Variants in CD81 observed in about 807,000 individuals in gnomAD.
CD81 encodes the protein CD81 molecule.
In CD81, 10 loss-of-function variants were observed where a neutral mutation model predicts 30.1. That is an observed-to-expected ratio of 0.33 (90% CI 0.21 to 0.56). The LOEUF (loss-of-function observed/expected upper bound fraction) is 0.56. CD81 is among the 20% of genes least tolerant of loss of function. The pLI is 0.89. For missense variants in CD81, 263 were observed against 308.7 expected (o/e 0.85, Z 1.11); for synonymous variants, 147 against 126.4 (o/e 1.16, Z -1.10).
At chr11:2,384,952 G>A (rs899775816) in intron 1 of CD81, among the ~76,000 whole-genome samples, 1 of 151,358 alleles carries the variant, frequency 6.6e-6, no homozygotes, top group South Asian at 2.1e-4. Flanking sequence ...CCGTGAAAGC[G>A]GGACTCTCTT....
At chr11:2,385,890 T>C (rs1228112301) in intron 1 of CD81, 1 of 649,240 alleles carries the variant, frequency 1.5e-6, no homozygotes, top group Admixed American at 2.2e-5. Flanking sequence ...TGTGTGAACC[T>C]AAGTTCATTT....
chr11:2,389,174 C>G (rs1457359265), intron 1 of CD81, among the ~76,000 whole-genome samples: 1 of 152,150 alleles, frequency 6.6e-6, no homozygotes, highest in Non-Finnish European at 1.5e-5. Context: ...GAAGAAACCC[C>G]AGGAGAGGTC....
chr11:2,394,923 C>T (rs780713691), intron 3 of CD81, 49 bp from the exon 4 acceptor site: 11 of 1,552,138 alleles, frequency 7.1e-6, no homozygotes, highest in African/African-American at 2.7e-5. Flanking sequence ...CCTTGGGCCC[C>T]GCCTACAGCC....
At chr11:2,394,816 A>C in intron 3 of CD81, 156 bp from the exon 4 acceptor site, 1 of 732,622 alleles carries the variant, frequency 1.4e-6, no homozygotes. Context: ...TCTGTGCCCC[A>C]GGGCTCCACA....
chr11:2,388,456 C>G (rs1404074589), intron 1 of CD81, among the ~76,000 whole-genome samples: 1 of 152,246 alleles, frequency 6.6e-6, no homozygotes, highest in Non-Finnish European at 1.5e-5. Flanking sequence ...CAACCCCACC[C>G]TGGGGCCCTG....
chr11:2,390,353 G>A, intron 1 of CD81, 59 bp from the exon 2 acceptor site: 1 of 1,317,368 alleles, frequency 7.6e-7, no homozygotes, highest in East Asian at 2.3e-5. Flanking sequence ...GTGTGGGGTG[G>A]GCGCACTCCC....
At chr11:2,379,087 G>T (rs1288553873) in intron 1 of CD81, 4 of 448,402 alleles carry the variant, frequency 8.9e-6, no homozygotes, top group African/African-American at 8.0e-5. Flanking sequence ...CCTTCCCCAG[G>T]CCCGGCCCTG....
intron 1 of CD81, among the ~76,000 whole-genome samples, chr11:2,380,648 C>T (rs1292053732): frequency 6.6e-6 from 1 of 152,174 alleles, no homozygotes; most frequent in Non-Finnish European, 1.5e-5. Context: ...TTGGGTGGGT[C>T]TCGGAGCCTC....
intron 3 of CD81, among the ~76,000 whole-genome samples, chr11:2,394,413 T>C (rs898731126): frequency 6.6e-6 from 1 of 152,164 alleles, no homozygotes; most frequent in Non-Finnish European, 1.5e-5. Flanking sequence ...TGTCAAAAAA[T>C]AGCCACAAAT....
Position 2,390,408 on chromosome 11 carries a change from C to T in CD81, c.67-4C>T. 1 of 1,610,776 alleles carries T rather than the reference C, an allele frequency of 6.2e-7. No homozygotes were observed. Among genetic ancestry groups the T allele is most frequent in the Non-Finnish European group, 8.5e-7 (1 of 1,178,220 alleles). On this transcript the variant is annotated splice_polypyrimidine_tract_variant and splice_region_variant and intron_variant, in intron 1 of 7. Transcript: ENST00000263645. The stretch of plus-strand genomic sequence containing the variant: ...CATGTGACACTGTTCCCGCTCTTTC[C>T]CAGCTGGCTGGAGGCGTGATCCTGG...
In CD81 at chr11:2,386,521, G is replaced by C. The variant is rs1308781474; in HGVS notation, c.67-3891G>C. 7.0e-6 allele frequency: 5 copies of C among 715,548 alleles called. No homozygotes were observed. In the Admixed American group the frequency reaches 1.0e-4, roughly 14 times the overall value. 44.3% of individuals were successfully genotyped at this position (715,548 alleles called of 1,614,324 possible). Reference sequence around the variant, plus strand: ...GCCTCCGTTTCCTCATCCAGAAACCGGCAGTGACCATCACCACCATTGTTG... The same window carrying C: ...GCCTCCGTTTCCTCATCCAGAAACCCGCAGTGACCATCACCACCATTGTTG... On this transcript the variant is annotated intron_variant, in intron 1 of 7. Coordinates refer to ENST00000263645, the MANE Select transcript of CD81 (RefSeq NM_004356.4).
chr11:2,387,106 G>T (rs374892205), intron 1 of CD81, among the ~76,000 whole-genome samples: 2 of 152,232 alleles, frequency 1.3e-5, no homozygotes, highest in East Asian at 3.9e-4. Context: ...CATCCCCTCA[G>T]CGCCCAGGCT....
intron 1 of CD81, chr11:2,389,949 T>C: frequency 3.2e-6 from 1 of 309,484 alleles, no homozygotes; most frequent in South Asian, 2.9e-5. Context: ...GAGGGGGCAG[T>C]GTTCCTGGGA....
At chr11:2,395,302 G>T (rs113482711) in intron 4 of CD81, 114 bp from the exon 5 acceptor site, 47 of 889,762 alleles carry the variant, frequency 5.3e-5, no homozygotes, top group African/African-American at 4.0e-4. Flanking sequence ...GTCTAGCCTC[G>T]AAGCCACCCT....
intron 1 of CD81, chr11:2,384,514 T>A (rs1849756028): frequency 9.2e-6 from 1 of 108,466 alleles, no homozygotes; most frequent in Admixed American, 1.0e-4. Flanking sequence ...GTGGGGCATC[T>A]TGTGGGGTGG....
At chr11:2,390,186 G>T (rs1849872514) in intron 1 of CD81, 1 of 634,980 alleles carries the variant, frequency 1.6e-6, no homozygotes, top group Admixed American at 2.2e-5. Context: ...CTCCACAGGT[G>T]CAGGGCAGGG....
chr11:2,383,241 C>A (rs950469874), intron 1 of CD81, among the ~76,000 whole-genome samples: 2 of 152,168 alleles, frequency 1.3e-5, no homozygotes, highest in Middle Eastern at 3.2e-3. Context: ...GCCTTTTCGC[C>A]CCTGGAGGCC....
At chr11:2,383,890 G>C (rs1047362248) in intron 1 of CD81, among the ~76,000 whole-genome samples, 3 of 152,218 alleles carry the variant, frequency 2.0e-5, no homozygotes, top group African/African-American at 4.8e-5. Flanking sequence ...CTGCAGCTGT[G>C]GGGGTGTGTG....
rs141113409 is a variant in CD81 at position 2,385,157 on chromosome 11, G to A, written c.67-5255G>A. Among the ~76,000 whole-genome samples the A allele has an allele frequency of 1.6e-3, 251 of 152,276 alleles. 2 individuals carry two copies. Among genetic ancestry groups the A allele is most frequent in the African/African-American group, 5.8e-3 (240 of 41,552 alleles). ...GGCCCAGAAGAAACACTGGCCCCGG[G>A]GAGTTCAGTCATCAGGGACTTAGGA... On this transcript the variant is annotated intron_variant, in intron 1 of 7. Coordinates refer to ENST00000263645, the MANE Select transcript of CD81 (RefSeq NM_004356.4).
Sources: allele counts gnomAD v4.1 joint callset (sites outside exome capture counted in the v4.1 genomes callset), GRCh38; gene constraint gnomAD v4.1.1; transcripts MANE v1.5; gene names NCBI Gene and HGNC (gene_info 2026-07-23, HGNC 2026-07-21).